ANK2: variants seen among roughly 807,000 people sequenced by gnomAD.
ANK2 encodes the protein ankyrin 2.
ANK2 carries 83 observed loss-of-function variants against 360.5 expected under a neutral mutation model. That is an observed-to-expected ratio of 0.23 (90% confidence interval 0.19 to 0.28). The LOEUF is 0.28. Ranked by LOEUF, ANK2 falls within the 10% of genes least tolerant of loss-of-function variation. The probability of loss-of-function intolerance (pLI) is 1.00; values close to 1 mark genes in which losing one functional copy is unlikely to be tolerated. For synonymous variants in ANK2, 1,740 were observed against 1,759.5 expected (o/e 0.99, Z 0.28); for missense variants, 4,201 against 4,795.7 (o/e 0.88, Z 3.66).
intron 4 of ANK2, among the ~76,000 whole-genome samples, chr4:113,226,745 C>T (rs1239125346): frequency 6.6e-6 from 1 of 151,998 alleles, no homozygotes; most frequent in African/African-American, 2.4e-5. Context: ...TAATGAATAA[C>T]AAATAATTCA....
Position 113,345,934 on chromosome 4 carries a change from T to C in ANK2, c.4283T>C (p.Leu1428Pro). The change falls in exon 35 of 46, where the codon CTA becomes CCA. Residue 1428 changes from leucine (L) to proline (P), a missense_variant. Around this residue, in one of 4 missense-constraint regions of ANK2, gnomAD observed 1,268 missense variants for 1,650.8 expected, o/e 0.77. Transcript: ENST00000357077. ...RDTTQEPCGR[L>P]SFMKEPKSTR... ...ACGACTCAGGAACCTTGCGGACGAC[T>C]ATCATTTATGAAGGAGCCAAAATCC... 6.2e-7 allele frequency: 1 copy of C among 1,613,710 alleles called. No homozygotes were observed. Among genetic ancestry groups the C allele is most frequent in the Non-Finnish European group, 8.5e-7 (1 of 1,179,662 alleles).
chr4:113,086,476 A>G (rs1034806250), intron 1 of ANK2, among the ~76,000 whole-genome samples: 4 of 152,120 alleles, frequency 2.6e-5, no homozygotes, highest in African/African-American at 9.7e-5. Flanking sequence ...CTTAGTGCCA[A>G]CTCTCTGGCA....
At chr4:112,873,687 C>T (rs375307121) in intron 1 of ANK2, among the ~76,000 whole-genome samples, 10 of 151,504 alleles carry the variant, frequency 6.6e-5, no homozygotes, top group African/African-American at 2.4e-4. Flanking sequence ...CAGGCACCCG[C>T]CACCACGCTT....
the ANK2 span, among the ~76,000 whole-genome samples, chr4:112,790,168 G>A: frequency 1.3e-5 from 2 of 151,548 alleles, no homozygotes; most frequent in Admixed American, 1.3e-4. Flanking sequence ...TTGTCATTGT[G>A]GAAAAAAGAG....
At chr4:113,037,585 T>A (rs570643034) in intron 2 of ANK2, among the ~76,000 whole-genome samples, 33 of 152,160 alleles carry the variant, frequency 2.2e-4, no homozygotes, top group African/African-American at 7.7e-4. Flanking sequence ...CTTTGGTTCC[T>A]AAGTTTTTTT....
chr4:113,309,291 T>G (rs921720405), intron 23 of ANK2, among the ~76,000 whole-genome samples: 2 of 152,186 alleles, frequency 1.3e-5, no homozygotes, highest in Non-Finnish European at 2.9e-5. Context: ...TTTGGGTCAT[T>G]TCTCTCTGAG....
In ANK2 at chr4:113,317,752, C is replaced by T. The variant is rs750851228; in HGVS notation, c.2739C>T (p.Ala913=). ...ACAGGTCTCACACTCTGAGCCATGC[C>T]TCCTACCTGAGGGACAGTGCCGTGA... ...SSDRSHTLSH[A]SYLRDSAVMD... The change falls in exon 25 of 46, where the codon GCC becomes GCT. Residue 913 remains alanine (A), a synonymous_variant. Transcript: ENST00000357077. 1 of 1,614,176 alleles carries T rather than the reference C, an allele frequency of 6.2e-7. No homozygotes were observed. The highest frequency in any genetic ancestry group is 1.1e-5 in the South Asian group (1 of 91,084).
chr4:113,177,141 G>A (rs575196352), intron 2 of ANK2, among the ~76,000 whole-genome samples: 4 of 152,248 alleles, frequency 2.6e-5, no homozygotes, highest in African/African-American at 4.8e-5. Flanking sequence ...GTGCGGTGGC[G>A]TGATCTCGGC....
Position 113,355,068 on chromosome 4 carries a change from C to T in ANK2, c.6450C>T (p.Tyr2150=). ...AAGAGTTGGAAGACAATGACAAATA[C>T]CAACAATTCCGCCTGAGTGAGGAGA... ...IKQELEDNDK[Y]QQFRLSEETE... Residue 2150 remains tyrosine (Y), a synonymous_variant, in exon 38 of 46, where the codon TAC becomes TAT. Coordinates refer to ENST00000357077, the MANE Select transcript of ANK2 (RefSeq NM_001148.6). 2 of 1,614,046 alleles carry T rather than the reference C, an allele frequency of 1.2e-6. No individual in the cohort carries two copies. The highest frequency in any genetic ancestry group is 1.7e-6 in the Non-Finnish European group (2 of 1,179,986).
chr4:113,343,225 G>A (rs988878656), intron 34 of ANK2, 83 bp downstream of exon 34: 75 of 1,476,082 alleles, frequency 5.1e-5, no homozygotes, highest in African/African-American at 3.4e-4. Context: ...GAAAATTTTC[G>A]CTTTTCAGTC....
At chr4:112,779,736 G>A in the ANK2 span, among the ~76,000 whole-genome samples, 1 of 152,158 alleles carries the variant, frequency 6.6e-6, no homozygotes, top group African/African-American at 2.4e-5. Context: ...TTAATTTCAG[G>A]ATTGTTCAGT....
At chr4:113,314,770 A>C (rs560184394) in intron 24 of ANK2, among the ~76,000 whole-genome samples, 2 of 152,282 alleles carry the variant, frequency 1.3e-5, no homozygotes, top group Admixed American at 1.3e-4. Context: ...TGGTGTTGGA[A>C]TAGTCCATCT....
At chr4:112,730,536 C>G in the ANK2 span, among the ~76,000 whole-genome samples, 2 of 143,910 alleles carry the variant, frequency 1.4e-5, no homozygotes, top group Non-Finnish European at 3.0e-5. Context: ...ACTTGAGAGG[C>G]TGAGGCAGGA....
At chr4:112,742,358 G>A in the ANK2 span, among the ~76,000 whole-genome samples, 4 of 152,202 alleles carry the variant, frequency 2.6e-5, no homozygotes, top group Admixed American at 2.0e-4. Context: ...GAAATTCACC[G>A]TGTTGGCACA....
chr4:112,744,097 C>T, the ANK2 span, among the ~76,000 whole-genome samples: 1 of 152,132 alleles, frequency 6.6e-6, no homozygotes, highest in Non-Finnish European at 1.5e-5. Context: ...GATGAGATTA[C>T]AGGCATGAGC....
At chr4:113,104,521 C>T (rs998480033) in intron 1 of ANK2, among the ~76,000 whole-genome samples, 1 of 152,110 alleles carries the variant, frequency 6.6e-6, no homozygotes, top group Admixed American at 6.6e-5. Flanking sequence ...TGAGACCAGC[C>T]TGGCCAACAT....
the ANK2 span, among the ~76,000 whole-genome samples, chr4:112,719,723 A>T: frequency 0.076 from 10,662 of 140,004 alleles, 643 homozygotes; most frequent in African/African-American, 0.17. Context: ...CGAGACTCCG[A>T]CTCAAAAAAA....
intron 1 of ANK2, among the ~76,000 whole-genome samples, chr4:113,139,163 A>G (rs925858941): frequency 6.6e-6 from 1 of 152,144 alleles, no homozygotes; most frequent in Non-Finnish European, 1.5e-5. Flanking sequence ...AACATATAGA[A>G]CCTAGCCAGG....
At chr4:112,733,646 T>C in the ANK2 span, among the ~76,000 whole-genome samples, 1 of 152,196 alleles carries the variant, frequency 6.6e-6, no homozygotes, top group Non-Finnish European at 1.5e-5. Context: ...ATTAAGGAAA[T>C]TTTCTTCAAT....
Sources: gnomAD v4.1 joint callset for allele counts (sites outside exome capture counted in the v4.1 genomes callset) on GRCh38, gnomAD v4.1.1 for gene constraint, gnomAD v4.1.1 regional missense constraint, MANE v1.5 for transcripts, NCBI Gene and HGNC (gene_info 2026-07-23, HGNC 2026-07-21) for gene names.